Variants in FSD1L observed in about 807,000 individuals in gnomAD.
FSD1L encodes FSD1-like protein.
A neutral mutation model predicts 71.6 loss-of-function variants in FSD1L; 45 were observed. That is an observed-to-expected ratio of 0.63 (90% CI 0.49 to 0.81). FSD1L has a LOEUF of 0.81. FSD1L is among the 30% of genes least tolerant of loss of function. The pLI is 0.00. For missense variants in FSD1L, 561 were observed against 618.1 expected, an observed-to-expected ratio of 0.91 and a Z score of 0.98; for synonymous variants, 197 against 207.2, an observed-to-expected ratio of 0.95 and a Z score of 0.42.
intron 10 of FSD1L, chr9:105,525,753 T>C: frequency 6.2e-7 from 1 of 1,603,650 alleles, no homozygotes; most frequent in Middle Eastern, 1.7e-4. Flanking sequence ...GTCAAGCATA[T>C]GAAGATTTTG....
At chr9:105,480,057 G>C (rs1374737345) in intron 6 of FSD1L, among the ~76,000 whole-genome samples, 4 of 152,158 alleles carry the variant, frequency 2.6e-5, no homozygotes, top group African/African-American at 9.7e-5. Context: ...AACACAGAAG[G>C]AACAGTTTGG....
chr9:105,534,794 C>T (rs982556165), intron 11 of FSD1L, among the ~76,000 whole-genome samples: 1 of 152,088 alleles, frequency 6.6e-6, no homozygotes, highest in Non-Finnish European at 1.5e-5. Flanking sequence ...CTTCAGCTTA[C>T]GTAGTGTTCC....
intron 5 of FSD1L, among the ~76,000 whole-genome samples, chr9:105,477,275 A>C (rs969853786): frequency 1.3e-5 from 2 of 151,062 alleles, no homozygotes; most frequent in Non-Finnish European, 2.9e-5. Flanking sequence ...GAAATAAGAC[A>C]AAAAAAAACT....
chr9:105,479,601 C>T (rs1007475750), intron 6 of FSD1L, among the ~76,000 whole-genome samples: 2 of 152,096 alleles, frequency 1.3e-5, no homozygotes, highest in Non-Finnish European at 2.9e-5. Flanking sequence ...AATTTCATTT[C>T]TGGTGTAGAA....
chr9:105,534,457 A>C (rs569262597), intron 10 of FSD1L, 36 bp from the exon 11 acceptor site: 1 of 1,131,304 alleles, frequency 8.8e-7, no homozygotes, highest in East Asian at 2.6e-5. Flanking sequence ...TACAGTATAA[A>C]ATATTTGTTT....
chr9:105,479,358 C>G lies in FSD1L; in HGVS notation c.446C>G (p.Ala149Gly). The G allele has an allele frequency of 6.5e-7, 1 of 1,550,140 alleles. No homozygotes were observed. The highest frequency in any genetic ancestry group is 8.7e-7 in the Non-Finnish European group (1 of 1,146,046). The stretch of plus-strand genomic sequence containing the variant: ...TTCTCCCTGATTGGCTCCAAGGCTG[C>G]CAGACAGATCAAGGATAGGTATGGT... ...IKEPEEFSKA[A>G]RQIKDRVTMA... is the part of the protein sequence containing the mutation. Residue 149 changes from alanine (A) to glycine (G), a missense_variant, in exon 6 of 14, where the codon GCC becomes GGC. Around this residue, in one of 3 missense-constraint regions of FSD1L, gnomAD observed 410 missense variants for 413.5 expected, o/e 0.99. Transcript: ENST00000481272.
At chr9:105,522,625 C>A in intron 10 of FSD1L, 1 of 1,612,752 alleles carries the variant, frequency 6.2e-7, no homozygotes, top group South Asian at 1.1e-5. Flanking sequence ...GAGGAGCAGC[C>A]ATTGCCTTGA....
At chr9:105,485,648 C>CTT (rs774719538) in intron 7 of FSD1L, among the ~76,000 whole-genome samples, 4 of 127,262 alleles carry the variant, frequency 3.1e-5, no homozygotes, top group African/African-American at 1.1e-4. Context: ...CTTACAAGTA[C>CTT]TTTTTTTTTT....
At chr9:105,461,182 A>G (rs1030658973) in intron 1 of FSD1L, among the ~76,000 whole-genome samples, 9 of 152,210 alleles carry the variant, frequency 5.9e-5, no homozygotes, top group African/African-American at 2.2e-4. Flanking sequence ...TCTCTGCCCT[A>G]TTTCCACTCT....
chr9:105,475,040 A>G (rs1033658800), intron 5 of FSD1L, among the ~76,000 whole-genome samples: 5 of 152,236 alleles, frequency 3.3e-5, no homozygotes, highest in African/African-American at 9.6e-5. Context: ...ATAAATTGGC[A>G]ACATCCCACC....
intron 11 of FSD1L, among the ~76,000 whole-genome samples, 159 bp from the exon 12 acceptor site, chr9:105,534,908 G>C (rs951259785): frequency 4.6e-5 from 7 of 152,188 alleles, no homozygotes; most frequent in Non-Finnish European, 1.0e-4. Flanking sequence ...AGTTAGAGCA[G>C]GTACTCAGCA....
intron 10 of FSD1L, among the ~76,000 whole-genome samples, chr9:105,513,201 C>T (rs1834498150): frequency 6.6e-6 from 1 of 152,054 alleles, no homozygotes; most frequent in Non-Finnish European, 1.5e-5. Flanking sequence ...TATACAGCAA[C>T]TTGAATTGCT....
intron 10 of FSD1L, 145 bp from the exon 11 acceptor site, chr9:105,534,344 TTAAC>T (rs986456524): frequency 5.8e-6 from 3 of 517,830 alleles, no homozygotes; most frequent in Admixed American, 3.3e-5. Context: ...CGCTCTTTAA[TTAAC>T]TAGTTCAGAT....
At chr9:105,520,526 T>G in intron 10 of FSD1L, 2 of 1,177,026 alleles carry the variant, frequency 1.7e-6, no homozygotes, top group South Asian at 1.2e-5. Flanking sequence ...TTTGAGAAAA[T>G]TTTACAACTT....
In FSD1L at chr9:105,448,113, G is replaced by C. The variant is rs943369868; in HGVS notation, c.-108G>C. ...GGGTGGGGCCGGGCGGTGCCGGTGC[G>C]GGCTGGGGCAGTGCAGTGAGTAGCG... On this transcript the variant is annotated 5_prime_UTR_variant, in exon 1 of 14. Transcript: ENST00000481272. The C allele has an allele frequency of 2.4e-6, 3 of 1,232,330 alleles. No individual in the cohort carries two copies. The highest frequency in any genetic ancestry group is 2.6e-5 in the South Asian group (2 of 77,066). The allele number at this position is 1,232,330 out of a possible 1,614,324, so 76.3% of individuals were successfully genotyped here.
chr9:105,485,533 G>GGTTTTTTTTTTTTTT (rs1554705301), intron 7 of FSD1L, among the ~76,000 whole-genome samples: 2 of 79,412 alleles, frequency 2.5e-5, no homozygotes, highest in Middle Eastern at 0.013. Context: ...TTGGTTAGGT[G>GGTTTTTTTTTTTTTT]TTTTTTTTTT....
chr9:105,522,048 C>T (rs1448588634), intron 10 of FSD1L: 2 of 1,612,932 alleles, frequency 1.2e-6, no homozygotes, highest in African/African-American at 1.3e-5. Context: ...GATGCCATCA[C>T]AAGCTTTTCT....
At chr9:105,447,524 CG>C (rs1829695697), upstream of FSD1L, among the ~76,000 whole-genome samples, 2 of 152,032 alleles carry the variant, frequency 1.3e-5, no homozygotes, top group African/African-American at 4.8e-5. Context: ...GGTGGGTCCC[CG>C]GGAAAAACTG....
intron 1 of FSD1L, among the ~76,000 whole-genome samples, chr9:105,451,892 C>T (rs764561284): frequency 2.0e-5 from 3 of 152,110 alleles, no homozygotes; most frequent in Non-Finnish European, 4.4e-5. Context: ...ATCACTCTTT[C>T]TAAGAAAGGT....
Sources: gnomAD v4.1 joint callset for allele counts (sites outside exome capture counted in the v4.1 genomes callset) on GRCh38, gnomAD v4.1.1 for gene constraint, gnomAD v4.1.1 regional missense constraint, MANE v1.5 for transcripts, NCBI Gene and HGNC (gene_info 2026-07-23, HGNC 2026-07-21) for gene names.